The following APAF1 variants were observed in gnomAD, a reference collection of about 807,000 sequenced individuals.
APAF1 encodes apoptotic protease-activating factor 1.
Under a neutral mutation model 152.4 loss-of-function variants are expected in APAF1, and 91 were observed. The observed-to-expected ratio is 0.60, with a 90% CI of 0.50 to 0.71. The LOEUF (loss-of-function observed/expected upper bound fraction) is 0.71, where lower values mean the gene tolerates loss of function less well. Ranked by LOEUF, APAF1 falls within the 30% of genes least tolerant of loss-of-function variation. APAF1 has a pLI of 0.00. For missense variants in APAF1, 1,283 were observed against 1,472.0 expected (o/e 0.87, Z 2.10); for synonymous variants, 484 against 494.1 (o/e 0.98, Z 0.27).
intron 15 of APAF1, among the ~76,000 whole-genome samples, chr12:98,684,224 C>T (rs972858922): frequency 1.3e-5 from 2 of 152,074 alleles, no homozygotes; most frequent in Non-Finnish European, 2.9e-5. Flanking sequence ...AAATTGCCGT[C>T]TCCATCCCCC....
At chr12:98,727,822 T>A (rs1246439952) in intron 26 of APAF1, among the ~76,000 whole-genome samples, 1 of 151,730 alleles carries the variant, frequency 6.6e-6, no homozygotes, top group African/African-American at 2.4e-5. Context: ...ATGCCTGTAA[T>A]CCCAGCTACT....
In APAF1 at chr12:98,665,278, A is replaced by AT. The variant is rs376318016; in HGVS notation, c.956-260dup. Among the ~76,000 whole-genome samples the AT allele has an allele frequency of 8.2e-3, 542 of 65,894 alleles. 13 individuals carry two copies. The highest frequency in any genetic ancestry group is 9.1e-3 in the Non-Finnish European group (311 of 34,026). The allele number at this position is 65,894 out of a possible 152,430, so 43.2% of individuals were successfully genotyped here. On this transcript the variant is annotated intron_variant, in intron 7 of 26. Transcript: ENST00000551964. ...CGCATATATATATATATATATATATATTTTTTTTTTTTTTTGTAATGACAT... is the reference window on the plus strand; with the variant it reads ...CGCATATATATATATATATATATATATTTTTTTTTTTTTTTTGTAATGACAT...
In APAF1 at chr12:98,686,784, A is replaced by C. The variant is rs1329531937; in HGVS notation, c.2215A>C (p.Met739Leu). The C allele has an allele frequency of 6.2e-7, 1 of 1,613,802 alleles. No individual in the cohort carries two copies. Among genetic ancestry groups the C allele is most frequent in the Non-Finnish European group, 8.5e-7 (1 of 1,179,878 alleles). ...GAATCAAAAAGAATGTCGAAATACC[A>C]TGTTTGGTCATACAAATTCAGTCAA... is the stretch of plus-strand genomic sequence containing the variant. ...DLNQKECRNTMFGHTNSVNHC... is the reference protein window; with the variant it reads ...DLNQKECRNTLFGHTNSVNHC... Residue 739 changes from methionine (M) to leucine (L), a missense_variant, in exon 16 of 27, where the codon ATG becomes CTG. Met to Leu is a conservative substitution (Grantham distance 15). Coordinates refer to ENST00000551964, the MANE Select transcript of APAF1 (RefSeq NM_181861.2).
intron 16 of APAF1, among the ~76,000 whole-genome samples, chr12:98,692,101 TAGAC>T (rs766780619): frequency 7.9e-5 from 12 of 152,120 alleles, no homozygotes; most frequent in Admixed American, 1.3e-4. Flanking sequence ...TTATTTTTTT[TAGAC>T]AGAGTCTCGC....
Position 98,727,191 on chromosome 12 carries a change from G to A in APAF1, c.3475G>A (p.Gly1159Ser), listed in dbSNP as rs778943117. ...GEIRIWNVSNGELLHLCAPLS... is the reference protein window; with the variant it reads ...GEIRIWNVSNSELLHLCAPLS... ...TATGTAGATATGGAATGTCTCAAACGGTGAGCTTCTTCATTTGTGTGCTCC... is the reference window on the plus strand; with the variant it reads ...TATGTAGATATGGAATGTCTCAAACAGTGAGCTTCTTCATTTGTGTGCTCC... Residue 1159 changes from glycine (G) to serine (S), a missense_variant, in exon 26 of 27, where the codon GGT becomes AGT. Transcript: ENST00000551964. 17 of 1,613,918 alleles carry A rather than the reference G, an allele frequency of 1.1e-5. No homozygotes were observed. Among genetic ancestry groups the A allele is most frequent in the East Asian group, 2.2e-5 (1 of 44,890 alleles).
intron 1 of APAF1, among the ~76,000 whole-genome samples, chr12:98,647,277 AGGTGGG>A (rs2097642392): frequency 6.6e-6 from 1 of 151,572 alleles, no homozygotes; most frequent in Admixed American, 6.6e-5. Flanking sequence ...AAATAAGACA[AGGTGGG>A]GGAGAAATCC....
chr12:98,726,517 A>T (rs1010742814), intron 25 of APAF1: 15 of 153,822 alleles, frequency 9.8e-5, no homozygotes, highest in African/African-American at 3.4e-4. Context: ...GTGTTATCAG[A>T]TGGGCTTTCC....
intron 13 of APAF1, among the ~76,000 whole-genome samples, chr12:98,678,096 A>G (rs1226424784): frequency 1.3e-5 from 2 of 152,110 alleles, no homozygotes; most frequent in Non-Finnish European, 2.9e-5. Context: ...TAAAACTTGT[A>G]TTTAGGATAC....
chr12:98,651,120 T>C (rs1336152411), intron 4 of APAF1, among the ~76,000 whole-genome samples: 1 of 152,232 alleles, frequency 6.6e-6, no homozygotes, highest in Non-Finnish European at 1.5e-5. Flanking sequence ...CAACTGTACA[T>C]GTGAGCTTAA....
rs146505676 is a variant in APAF1 at position 98,659,284 on chromosome 12, A to G, written c.651A>G (p.Pro217=). ...DQDESFSQRL[P]LNIEEAKDRL... ...ATGAGAGTTTTTCCCAGAGGCTTCC[A>G]CTTAATATTGAAGAGGCTAAAGACC... Residue 217 remains proline, a synonymous_variant, in exon 5 of 27, where the codon CCA becomes CCG. Transcript: ENST00000551964. The G allele has an allele frequency of 2.9e-4, 467 of 1,614,136 alleles. No individual in the cohort carries two copies. In the African/African-American group the frequency reaches 5.3e-3, roughly 18 times the overall value.
intron 1 of APAF1, among the ~76,000 whole-genome samples, chr12:98,647,265 A>T (rs2097642317): frequency 6.6e-6 from 1 of 151,936 alleles, no homozygotes; most frequent in African/African-American, 2.4e-5. Context: ...AAAAAAAAAA[A>T]AAAATAAGAC....
At chr12:98,684,293 A>G (rs973954183) in intron 15 of APAF1, among the ~76,000 whole-genome samples, 1 of 152,154 alleles carries the variant, frequency 6.6e-6, no homozygotes, top group Non-Finnish European at 1.5e-5. Flanking sequence ...AAAATTATAC[A>G]GAAGCTCAGT....
intron 26 of APAF1, among the ~76,000 whole-genome samples, chr12:98,729,043 A>G (rs140029024): frequency 1.5e-3 from 230 of 152,294 alleles, no homozygotes; most frequent in African/African-American, 5.1e-3. Flanking sequence ...AGCAGGTGGT[A>G]AACCAATAAA....
intron 7 of APAF1, among the ~76,000 whole-genome samples, chr12:98,665,023 C>T (rs2097670342): frequency 6.6e-6 from 1 of 151,508 alleles, no homozygotes; most frequent in African/African-American, 2.4e-5. Flanking sequence ...TATCCTTAAA[C>T]TTAATCATTC....
At chr12:98,698,028 G>A (rs2097711604) in intron 16 of APAF1, among the ~76,000 whole-genome samples, 1 of 152,124 alleles carries the variant, frequency 6.6e-6, no homozygotes, top group South Asian at 2.1e-4. Flanking sequence ...ATGAAATGCT[G>A]GTATTAGTTT....
Position 98,671,865 on chromosome 12 carries a change from T to C in APAF1, c.1793+146T>C, listed in dbSNP as rs2097680622. The C allele has an allele frequency of 5.2e-6, 4 of 768,998 alleles. No homozygotes were observed. In the Admixed American group the frequency reaches 9.4e-5, roughly 18 times the overall value. The allele number at this position is 768,998 out of a possible 1,614,324, so 47.6% of individuals were successfully genotyped here. On this transcript the variant is annotated intron_variant, in intron 12 of 26. Transcript: ENST00000551964. Reference sequence around the variant, plus strand: ...ATAAGCATTCTTACTTATTGAAAAGTTCTAGAGAAGTAAGCATAGGAGAAA... The same window carrying C: ...ATAAGCATTCTTACTTATTGAAAAGCTCTAGAGAAGTAAGCATAGGAGAAA...
Position 98,686,667 on chromosome 12 carries a change from A to C in APAF1, c.2179-81A>C. 2.2e-6 allele frequency: 3 copies of C among 1,392,636 alleles called. No individual in the cohort carries two copies. In the South Asian group the frequency reaches 3.7e-5, roughly 17 times the overall value. The allele number at this position is 1,392,636 out of a possible 1,614,324, so 86.3% of individuals were successfully genotyped here. On this transcript the variant is annotated intron_variant, in intron 15 of 26. Coordinates refer to ENST00000551964, the MANE Select transcript of APAF1 (RefSeq NM_181861.2). Reference sequence around the variant, plus strand: ...GTAATCAAAAAGCTTAAATGAGAGAAAAGGAAGAACTTCACATGATTTCTG... The same window carrying C: ...GTAATCAAAAAGCTTAAATGAGAGACAAGGAAGAACTTCACATGATTTCTG...
At chr12:98,663,560 C>T (rs146801709) in intron 7 of APAF1, among the ~76,000 whole-genome samples, 658 of 152,198 alleles carry the variant, frequency 4.3e-3, no homozygotes, top group Non-Finnish European at 7.3e-3. Flanking sequence ...ATTCTTTTGA[C>T]ATATAGAAGC....
chr12:98,657,333 C>T, intron 4 of APAF1, among the ~76,000 whole-genome samples: 1 of 152,184 alleles, frequency 6.6e-6, no homozygotes, highest in East Asian at 1.9e-4. Flanking sequence ...TGCTTCTTAG[C>T]ACATACTCTT....
Sources: allele counts gnomAD v4.1 joint callset (sites outside exome capture counted in the v4.1 genomes callset), GRCh38; gene constraint gnomAD v4.1.1; transcripts MANE v1.5; gene names NCBI Gene and HGNC (gene_info 2026-07-23, HGNC 2026-07-21).